Variants in GPHN observed in about 807,000 individuals in gnomAD.
GPHN encodes the protein gephyrin.
Under a neutral mutation model 95.5 loss-of-function variants are expected in GPHN, and 17 were observed. That is an observed-to-expected ratio of 0.18 (90% confidence interval 0.12 to 0.27). The LOEUF (loss-of-function observed/expected upper bound fraction) is 0.27, where lower values mean the gene tolerates loss of function less well. Among genes scored for constraint, GPHN ranks in the 10% least tolerant of loss-of-function variants. The pLI, the probability that GPHN is intolerant of heterozygous loss-of-function variation, is 1.00. For missense variants in GPHN, 660 were observed against 978.1 expected (o/e 0.67, Z 4.34); for synonymous variants, 320 against 322.5 (o/e 0.99, Z 0.08).
At chr14:67,616,289 A>ACAG in the GPHN span, 1 of 158,272 alleles carries the variant, frequency 6.3e-6, no homozygotes, top group African/African-American at 2.4e-5. Flanking sequence ...GATTTTTTTA[A>ACAG]TAGCCTCCAT....
intron 1 of GPHN, among the ~76,000 whole-genome samples, chr14:66,521,629 T>C (rs1184914977): frequency 1.3e-5 from 2 of 152,144 alleles, no homozygotes; most frequent in African/African-American, 4.8e-5. Context: ...TCTAGCTATG[T>C]CCACATATGT....
the GPHN span, among the ~76,000 whole-genome samples, chr14:67,357,608 T>G: frequency 3.9e-5 from 6 of 152,334 alleles, no homozygotes; most frequent in South Asian, 1.2e-3. Flanking sequence ...CTGACTGCTG[T>G]CAAAGATAAA....
chr14:67,524,399 A>T, the GPHN span, among the ~76,000 whole-genome samples: 4 of 152,174 alleles, frequency 2.6e-5, no homozygotes, highest in Admixed American at 2.0e-4. Flanking sequence ...AGGTCAGGTC[A>T]TGAGGTCTCT....
chr14:66,535,361 G>C (rs563499239), intron 1 of GPHN, among the ~76,000 whole-genome samples: 1 of 152,094 alleles, frequency 6.6e-6, no homozygotes, highest in African/African-American at 2.4e-5. Context: ...CTTAATTACT[G>C]TAGCTCTATA....
chr14:66,712,204 C>T (rs1478477228), intron 2 of GPHN, among the ~76,000 whole-genome samples: 1 of 152,220 alleles, frequency 6.6e-6, no homozygotes, highest in Non-Finnish European at 1.5e-5. Flanking sequence ...TACACTCCCA[C>T]CAACAGTGTA....
At chr14:67,382,612 TTAA>T in the GPHN span, 1 of 1,613,420 alleles carries the variant, frequency 6.2e-7, no homozygotes, top group Non-Finnish European at 8.5e-7. Context: ...AGATTCATTT[TTAA>T]TAATGACTCA....
At chr14:67,659,775 C>T in the GPHN span, 4 of 1,613,812 alleles carry the variant, frequency 2.5e-6, no homozygotes, top group Admixed American at 5.0e-5. Flanking sequence ...TTCATGTCTC[C>T]TCGGCCTCCA....
At chr14:66,982,978 C>T (rs533349916) in intron 9 of GPHN, among the ~76,000 whole-genome samples, 2 of 152,208 alleles carry the variant, frequency 1.3e-5, no homozygotes, top group South Asian at 2.1e-4. Flanking sequence ...TGGCCGGGCA[C>T]GGTGGCTCAC....
rs1317200887 is a variant in GPHN at position 66,681,176 on chromosome 14, A to T, written c.134A>T (p.Asp45Val). 2 of 1,577,956 alleles carry T rather than the reference A, an allele frequency of 1.3e-6. No individual in the cohort carries two copies. Among genetic ancestry groups the T allele is most frequent in the Non-Finnish European group, 1.7e-6 (2 of 1,148,662 alleles). Residue 45 changes from aspartate (D) to valine (V), a missense_variant, in exon 2 of 23, where the codon GAT becomes GTT. This residue lies in a region of GPHN where 92 missense variants were observed against 91.9 expected (regional missense o/e 1.00). Transcript: ENST00000478722. ...SGINLKDLVQ[D>V]PSLLGGTISA... Reference sequence around the variant, plus strand: ...ATAAATCTCAAAGATCTCGTACAAGATCCTTCTTTGTGAGTATTGTGCTTT... The same window carrying T: ...ATAAATCTCAAAGATCTCGTACAAGTTCCTTCTTTGTGAGTATTGTGCTTT...
rs996362351 is a variant in GPHN at position 66,864,941 on chromosome 14, A to G, written c.295-14998A>G. Among the ~76,000 whole-genome samples, 91 of 152,314 alleles carry G rather than the reference A, an allele frequency of 6.0e-4. 3 individuals are homozygous for G. Among genetic ancestry groups the G allele is most frequent in the African/African-American group, 2.1e-3 (88 of 41,568 alleles). ...AATGGAATTCTATTTGGCCATATAA[A>G]GAATAAGAACCTGTTATTTCCAACA... is the stretch of plus-strand genomic sequence containing the variant. On this transcript the variant is annotated intron_variant, in intron 4 of 22. Coordinates refer to ENST00000478722, the MANE Select transcript of GPHN (RefSeq NM_020806.5).
Position 66,691,839 on chromosome 14 carries a change from A to G in GPHN, c.143+10654A>G, listed in dbSNP as rs114670462. The stretch of plus-strand genomic sequence containing the variant: ...CTCTGATTGACATAGAATGGAAGCC[A>G]AAATTAAGATATAGGGTCTGCAGAA... On this transcript the variant is annotated intron_variant, in intron 2 of 22. Transcript: ENST00000478722. Among the ~76,000 whole-genome samples, 1,110 of 152,366 alleles carry G rather than the reference A, an allele frequency of 7.3e-3. 6 individuals carry two copies. Among genetic ancestry groups the G allele is most frequent in the African/African-American group, 0.025 (1,060 of 41,582 alleles).
intron 2 of GPHN, among the ~76,000 whole-genome samples, chr14:66,692,600 CTTTT>C (rs1233530535): frequency 6.6e-6 from 1 of 152,018 alleles, no homozygotes; most frequent in African/African-American, 2.4e-5. Context: ...AGATGTCTAC[CTTTT>C]TTTCTTATCG....
At chr14:67,301,848 G>A in the GPHN span, 2 of 1,076,154 alleles carry the variant, frequency 1.9e-6, no homozygotes, top group African/African-American at 1.6e-5. Flanking sequence ...TTTATTATTA[G>A]CTCTAATTAA....
the GPHN span, among the ~76,000 whole-genome samples, chr14:67,490,180 A>G: frequency 6.6e-6 from 1 of 152,070 alleles, no homozygotes; most frequent in Non-Finnish European, 1.5e-5. Context: ...GTTTTTCTCT[A>G]ATTTATAGGC....
chr14:66,694,549 C>T (rs1380126593), intron 2 of GPHN, among the ~76,000 whole-genome samples: 3 of 152,164 alleles, frequency 2.0e-5, no homozygotes, highest in African/African-American at 7.2e-5. Flanking sequence ...GTAGACCTTA[C>T]ACCCTTAAAA....
chr14:67,574,189 G>T, the GPHN span: 1 of 1,498,140 alleles, frequency 6.7e-7, no homozygotes, highest in East Asian at 2.4e-5. This position sits in a 1 kb window ranked among gnomAD's most constrained non-coding sequence, Gnocchi z 4.2. Context: ...CCAGGTCCTG[G>T]TTACTCCATT....
intron 1 of GPHN, among the ~76,000 whole-genome samples, chr14:66,627,509 C>G (rs150818145): frequency 0.01 from 1,520 of 151,926 alleles, 17 homozygotes; most frequent in Admixed American, 0.017. Context: ...AATTTTTACT[C>G]TTGTGAACAG....
At chr14:67,394,093 G>C in the GPHN span, among the ~76,000 whole-genome samples, 1 of 152,162 alleles carries the variant, frequency 6.6e-6, no homozygotes, top group Non-Finnish European at 1.5e-5. Context: ...CCACAGAACA[G>C]GGTGTTCAGT....
intron 12 of GPHN, among the ~76,000 whole-genome samples, chr14:67,098,581 A>G (rs2077522394): frequency 6.6e-6 from 1 of 152,112 alleles, no homozygotes; most frequent in Non-Finnish European, 1.5e-5. Context: ...AGGCCGAGGC[A>G]GGCGGATCAC....
Sources: gnomAD v4.1 joint callset for allele counts (sites outside exome capture counted in the v4.1 genomes callset) on GRCh38, gnomAD v4.1.1 for gene constraint, gnomAD v4.1.1 regional missense constraint, Gnocchi (gnomAD v3.1) non-coding constraint, MANE v1.5 for transcripts, NCBI Gene and HGNC (gene_info 2026-07-23, HGNC 2026-07-21) for gene names.